Variants in BRCA1 observed in about 807,000 individuals in gnomAD.
BRCA1 encodes the protein BRCA1 DNA repair associated.
BRCA1 carries 140 observed loss-of-function variants against 173.7 expected under a neutral mutation model. The ratio of observed to expected loss-of-function variants is 0.81; its 90% CI spans 0.70 to 0.93. BRCA1 has a LOEUF of 0.93. Ranked by LOEUF, BRCA1 falls within the 40% of genes least tolerant of loss-of-function variation. The pLI is 0.00. For synonymous variants in BRCA1, 662 were observed against 756.0 expected (o/e 0.88, Z 2.04); for missense variants, 1,983 against 2,172.5 (o/e 0.91, Z 1.73).
intron 1 of BRCA1, among the ~76,000 whole-genome samples, chr17:43,143,044 G>GTATATATGTGTA (rs1555603736): frequency 1.3e-5 from 2 of 148,612 alleles, no homozygotes; most frequent in Admixed American, 1.4e-4. Context: ...GTATATATAT[G>GTATATATGTGTA]TATATATGTG....
Position 43,093,025 on chromosome 17 carries a change from C to T in BRCA1, c.2506G>A (p.Glu836Lys), listed in dbSNP as rs2154373739. 1 of 1,613,964 alleles carries T rather than the reference C, an allele frequency of 6.2e-7. No individual in the cohort carries two copies. Among genetic ancestry groups the T allele is most frequent in the Non-Finnish European group, 8.5e-7 (1 of 1,179,966 alleles). Residue 836 changes from glutamate to lysine, a missense_variant, in exon 10 of 23, where the codon GAA (glutamate) becomes AAA (lysine). By Grantham distance (56) the Glu-to-Lys change is moderately conservative. Coordinates refer to ENST00000357654, the MANE Select transcript of BRCA1 (RefSeq NM_007294.4). ...TEGFKYPLGH[E>K]VNHSRETSIE... ...CTTGTTTCCCGACTGTGGTTAACTT[C>T]ATGTCCCAATGGATACTTAAAGCCT...
intron 8 of BRCA1, among the ~76,000 whole-genome samples, chr17:43,096,376 C>CAAACAAAAAA (rs2054136121): frequency 1.3e-5 from 1 of 74,210 alleles, no homozygotes; most frequent in Non-Finnish European, 2.6e-5. Flanking sequence ...GACTCTGTCT[C>CAAACAAAAAA]AAAAAAAAAA....
intron 10 of BRCA1, 144 bp downstream of exon 10, chr17:43,091,291 C>T (rs1471988301): frequency 8.7e-7 from 1 of 1,144,924 alleles, no homozygotes. Context: ...ATGAAAAGCA[C>T]CTTAGGAGGA....
intron 1 of BRCA1, among the ~76,000 whole-genome samples, chr17:43,150,799 A>G (rs1038491377): frequency 3.3e-5 from 5 of 152,194 alleles, no homozygotes; most frequent in African/African-American, 1.2e-4. Context: ...AAAAATGTGC[A>G]GCTTTGCACA....
chr17:43,079,522 T>C (rs2052904323), intron 12 of BRCA1: 4 of 1,072,380 alleles, frequency 3.7e-6, no homozygotes, highest in Non-Finnish European at 5.7e-6. Flanking sequence ...GCTGTTGGCA[T>C]CGCTGTAAAC....
intron 1 of BRCA1, among the ~76,000 whole-genome samples, chr17:43,155,137 A>ATAG (rs1357665093): frequency 6.6e-6 from 1 of 152,172 alleles, no homozygotes; most frequent in Admixed American, 6.5e-5. Flanking sequence ...GGAACCTGCC[A>ATAG]GCTATTTTAA....
chr17:43,138,750 G>C, intron 1 of BRCA1: 1 of 779,140 alleles, frequency 1.3e-6, no homozygotes. Flanking sequence ...ATGTGGAAAG[G>C]AGGTAGAAGT....
intron 20 of BRCA1, 56 bp downstream of exon 20, chr17:43,051,007 C>T: frequency 6.5e-7 from 1 of 1,537,360 alleles, no homozygotes; most frequent in Non-Finnish European, 9.0e-7. Flanking sequence ...TTATAATACT[C>T]CACTATGTAA....
chr17:43,045,946 G>A (rs1334907194), intron 22 of BRCA1, 144 bp from the exon 23 acceptor site: 11 of 1,008,116 alleles, frequency 1.1e-5, no homozygotes, highest in South Asian at 3.3e-5. Flanking sequence ...TTTTTGAGAC[G>A]GAGTCTTGCT....
chr17:43,130,536 AC>A (rs1389702697), intron 1 of BRCA1, among the ~76,000 whole-genome samples: 2 of 151,872 alleles, frequency 1.3e-5, no homozygotes, highest in African/African-American at 4.8e-5. Context: ...CTGGTCTCGA[AC>A]TCCTGGACTC....
intron 1 of BRCA1, among the ~76,000 whole-genome samples, chr17:43,130,842 C>G (rs950131053): frequency 1.3e-5 from 2 of 152,192 alleles, no homozygotes; most frequent in African/African-American, 4.8e-5. Flanking sequence ...TTTGTGCTCA[C>G]ACACATACAC....
rs889883213 is a variant in BRCA1, at chr17:43,139,173, T to C, written c.-19-15058A>G. 2.4e-4 allele frequency among the ~76,000 whole-genome samples: 32 copies of C among 136,136 alleles called. 1 individual carries two copies. The highest frequency in any genetic ancestry group is 8.0e-4 in the African/African-American group (31 of 38,632). 89.3% of individuals were successfully genotyped at this position (136,136 alleles called of 152,430 possible). A position where few individuals can be genotyped will look rare whatever the true frequency, so the allele number is the denominator to read the frequency against. On this transcript the variant is annotated intron_variant, in intron 1 of 7. Transcript: ENST00000634433. ...CTGAAAGATGGGGGTGCTAGGAGCA[T>C]TGTCTTTTTTTTTTTTTAAATTTAT...
upstream of BRCA1, among the ~76,000 whole-genome samples, chr17:43,129,040 G>A (rs2055941896): frequency 6.6e-6 from 1 of 152,022 alleles, no homozygotes; most frequent in African/African-American, 2.4e-5. Flanking sequence ...TTCATTAAAG[G>A]GATTTTGTTG....
upstream of BRCA1, among the ~76,000 whole-genome samples, chr17:43,129,136 T>C (rs1275095376): frequency 1.3e-5 from 2 of 152,236 alleles, no homozygotes; most frequent in African/African-American, 4.8e-5. Context: ...TTAACAATAA[T>C]GTCAATTATG....
chr17:43,078,129 G>A (rs2052827906), intron 12 of BRCA1, among the ~76,000 whole-genome samples: 1 of 151,520 alleles, frequency 6.6e-6, no homozygotes, highest in African/African-American at 2.4e-5. Flanking sequence ...CTGTTACCCA[G>A]GCTGGAATAC....
At position 43,103,896 on chromosome 17, in the gene BRCA1, TA is replaced by T. The variant is rs1005024603; in HGVS notation, c.441+225del. ...CCGAGGTGGGTGGATCACCTGAGGT[TA>T]GGAGTTCGAGACCAGCCTGGCCAAC... On this transcript the variant is annotated intron_variant, in intron 6 of 22. Transcript: ENST00000357654. Among the ~76,000 whole-genome samples, 12 of 151,454 alleles carry T rather than the reference TA, an allele frequency of 7.9e-5. No homozygotes were observed. In the Admixed American group the frequency reaches 7.9e-4, roughly 10 times the overall value.
Position 43,045,371 on chromosome 17 carries a change from A to G in BRCA1, c.*307T>C. On this transcript the variant is annotated 3_prime_UTR_variant, in exon 23 of 23. Coordinates refer to ENST00000357654, the MANE Select transcript of BRCA1 (RefSeq NM_007294.4). ...CAACAACAGCCTGAATAGAAAGAAT[A>G]GGGCTGATAAATAATGAATCAGCAT... The G allele has an allele frequency of 1.6e-6, 1 of 606,436 alleles. No individual in the cohort carries two copies. The highest frequency in any genetic ancestry group is 3.1e-6 in the Non-Finnish European group (1 of 324,608). 37.6% of individuals were successfully genotyped at this position (606,436 alleles called of 1,614,324 possible).
At position 43,094,600 on chromosome 17, in the gene BRCA1, GC is replaced by G. The variant is rs80357689; in HGVS notation, c.930del (p.Gln310HisfsTer4). The G allele has an allele frequency of 1.2e-6, 2 of 1,614,030 alleles. No individual in the cohort carries two copies. Among genetic ancestry groups the G allele is most frequent in the Non-Finnish European group, 1.7e-6 (2 of 1,180,002 alleles). On this transcript the variant is annotated frameshift_variant, in exon 10 of 23. Transcript: ENST00000357654. LOFTEE classifies it high-confidence loss of function. ...EKAEFCNKSK[Q>X]PGLARSQHNR... ...TTATGTTGGCTCCTTGCTAAGCCAG[GC>G]TGTTTGCTTTTATTACAGAATTCAG...
intron 12 of BRCA1, chr17:43,079,650 A>G (rs1402603815): frequency 2.3e-6 from 2 of 867,930 alleles, no homozygotes; most frequent in African/African-American, 3.3e-5. Flanking sequence ...AAAAAGAAAG[A>G]AGCCAAAGAG....
Sources: allele counts gnomAD v4.1 joint callset (sites outside exome capture counted in the v4.1 genomes callset), GRCh38; gene constraint gnomAD v4.1.1; transcripts MANE v1.5; gene names NCBI Gene and HGNC (gene_info 2026-07-23, HGNC 2026-07-21).